SRPK1: variants seen among roughly 807,000 people sequenced by gnomAD.
The protein encoded by SRPK1 is SFRS protein kinase 1.
SRPK1 carries 52 observed loss-of-function variants against 89.5 expected under a neutral mutation model. The observed-to-expected ratio is 0.58, with a 90% CI of 0.46 to 0.73. SRPK1 has a LOEUF of 0.73. Ranked by LOEUF, SRPK1 falls within the 30% of genes least tolerant of loss-of-function variation. SRPK1 has a pLI of 0.00. For synonymous variants in SRPK1, 255 were observed against 270.2 expected, an observed-to-expected ratio of 0.94 and a Z score of 0.55; for missense variants, 603 against 780.6, an observed-to-expected ratio of 0.77 and a Z score of 2.71.
intron 6 of SRPK1, among the ~76,000 whole-genome samples, chr6:35,875,325 A>T (rs2127249966): frequency 6.7e-6 from 1 of 148,204 alleles, no homozygotes; most frequent in South Asian, 2.1e-4. Flanking sequence ...GCACTATCTC[A>T]GCTCACTGCA....
At chr6:35,913,969 CTTTTT>C (rs545555860) in intron 2 of SRPK1, among the ~76,000 whole-genome samples, 14 of 92,936 alleles carry the variant, frequency 1.5e-4, no homozygotes, top group South Asian at 4.7e-4. Flanking sequence ...GATACTTTCT[CTTTTT>C]TTTTTTTTTT....
chr6:35,874,123 G>A lies in SRPK1; in HGVS notation c.585+110C>T, dbSNP rs1343668563. On this transcript the variant is annotated intron_variant, in intron 7 of 15. Coordinates refer to ENST00000373825, the MANE Select transcript of SRPK1 (RefSeq NM_003137.5). ...ATTACAGGAATGAGCCACCACACCC[G>A]GCCTTAAAACAAAAATTCTATTGGA... 1.6e-5 allele frequency: 14 copies of A among 870,884 alleles called. No homozygotes were observed. In the African/African-American group the frequency reaches 2.0e-4, roughly 13 times the overall value. 53.9% of individuals were successfully genotyped at this position (870,884 alleles called of 1,614,324 possible).
intron 13 of SRPK1, among the ~76,000 whole-genome samples, chr6:35,854,844 T>C (rs1018291676): frequency 1.5e-4 from 23 of 152,214 alleles, no homozygotes; most frequent in African/African-American, 5.1e-4. Context: ...TGGTGGCATC[T>C]CTATCATTTA....
chr6:35,850,255 GAT>G (rs1275091089), intron 13 of SRPK1, among the ~76,000 whole-genome samples: 1 of 152,162 alleles, frequency 6.6e-6, no homozygotes, highest in Non-Finnish European at 1.5e-5. Flanking sequence ...TTTCAAACCA[GAT>G]ATGCCAAGTT....
chr6:35,906,439 G>A (rs1264117439), intron 2 of SRPK1, among the ~76,000 whole-genome samples: 1 of 152,174 alleles, frequency 6.6e-6, no homozygotes, highest in African/African-American at 2.4e-5. Flanking sequence ...TGGCCAGGCT[G>A]GTGTCAAACT....
intron 2 of SRPK1, among the ~76,000 whole-genome samples, chr6:35,907,756 G>A (rs1389494391): frequency 6.6e-6 from 1 of 152,026 alleles, no homozygotes; most frequent in Admixed American, 6.6e-5. Flanking sequence ...GTGAACACAT[G>A]AATAACAAGA....
At chr6:35,915,971 C>CAAAAAAAAA in intron 2 of SRPK1, among the ~76,000 whole-genome samples, 1 of 51,728 alleles carries the variant, frequency 1.9e-5, no homozygotes, top group Non-Finnish European at 3.3e-5. Context: ...GACTCTGTCT[C>CAAAAAAAAA]AAAAACAAAA....
Position 35,869,089 on chromosome 6 carries a change from A to G in SRPK1, c.1433T>C (p.Phe478Ser). ...DNKGKSTAGN[F>S]LVNPLEPKNA... ...TTTTGGCTCAAGGGGATTAACAAGA[A>G]AATTTCCAGCCGTGGATTTTCCTAC... The change falls in exon 12 of 16, where the codon TTT (phenylalanine) becomes TCT (serine). Residue 478 changes from phenylalanine to serine, a missense_variant. By Grantham distance (155) the Phe-to-Ser change is radical. Coordinates refer to ENST00000373825, the MANE Select transcript of SRPK1 (RefSeq NM_003137.5). The G allele has an allele frequency of 6.2e-7, 1 of 1,613,876 alleles. No individual in the cohort carries two copies.
chr6:35,900,709 T>C (rs1770723643), intron 2 of SRPK1, among the ~76,000 whole-genome samples: 1 of 152,172 alleles, frequency 6.6e-6, no homozygotes, highest in African/African-American at 2.4e-5. Flanking sequence ...TTTTAAATAG[T>C]GTTGTGACAT....
intron 6 of SRPK1, among the ~76,000 whole-genome samples, chr6:35,885,500 A>T (rs1408245969): frequency 1.3e-5 from 2 of 152,162 alleles, no homozygotes; most frequent in African/African-American, 4.8e-5. Context: ...CTCCTTTCCC[A>T]TCCCTTCCTT....
chr6:35,850,649 G>A (rs1436360680), intron 13 of SRPK1, among the ~76,000 whole-genome samples: 8 of 146,608 alleles, frequency 5.5e-5, no homozygotes, highest in South Asian at 4.6e-4. Flanking sequence ...AAGAATTGCC[G>A]AAGAACTTTT....
chr6:35,882,176 A>C lies in SRPK1; in HGVS notation c.478+4548T>G, dbSNP rs116241097. ...GTAGTAGTAGTAGCAGCAGCAGCAGAAGAAGAAGAAGACAAAAAGAAAATA... is the reference window on the plus strand; with the variant it reads ...GTAGTAGTAGTAGCAGCAGCAGCAGCAGAAGAAGAAGACAAAAAGAAAATA... On this transcript the variant is annotated intron_variant, in intron 6 of 15. Transcript: ENST00000373825. Among the ~76,000 whole-genome samples the C allele has an allele frequency of 8.7e-3, 1,250 of 143,756 alleles. 14 individuals carry two copies. The highest frequency in any genetic ancestry group is 0.023 in the African/African-American group (835 of 36,900). The allele number at this position is 143,756 out of a possible 152,430, so 94.3% of individuals were successfully genotyped here. A position where few individuals can be genotyped will look rare whatever the true frequency, so the allele number is the denominator to read the frequency against.
At position 35,870,437 on chromosome 6, in the gene SRPK1, C is replaced by T. The variant is rs1770007927; in HGVS notation, c.835G>A (p.Ala279Thr). 2.6e-6 allele frequency: 4 copies of T among 1,560,410 alleles called. No individual in the cohort carries two copies. Among genetic ancestry groups the T allele is most frequent in the Middle Eastern group, 1.7e-4 (1 of 5,998 alleles). ...TGCATTCGCTTCTCTAGTAATTCTG[C>T]CTGGCGCTTCTGCTTCTTCTTCAAT... ...KKLKKKQKRQ[A>T]ELLEKRMQEI... The change falls in exon 10 of 16, where the codon GCA becomes ACA. Residue 279 changes from alanine (A) to threonine (T), a missense_variant. Ala to Thr is a moderately conservative substitution (Grantham distance 58). Transcript: ENST00000373825.
At chr6:35,880,789 G>A (rs1582014756) in intron 6 of SRPK1, among the ~76,000 whole-genome samples, 1 of 107,484 alleles carries the variant, frequency 9.3e-6, no homozygotes, top group Non-Finnish European at 1.9e-5. Flanking sequence ...CAGAATATTT[G>A]AAAAAAAAAA....
intron 13 of SRPK1, among the ~76,000 whole-genome samples, chr6:35,846,640 A>G (rs1343836731): frequency 7.2e-5 from 11 of 152,138 alleles, no homozygotes; most frequent in Admixed American, 2.0e-4. Flanking sequence ...ACTACAAAGG[A>G]TAAGAGACTA....
intron 6 of SRPK1, among the ~76,000 whole-genome samples, chr6:35,879,322 T>G (rs1163392776): frequency 6.6e-6 from 1 of 151,774 alleles, no homozygotes; most frequent in East Asian, 1.9e-4. Context: ...TGAGGCAGGA[T>G]GACTGCTTGA....
chr6:35,887,764 G>C, intron 5 of SRPK1: 1 of 307,584 alleles, frequency 3.3e-6, no homozygotes, highest in African/African-American at 2.1e-5. Context: ...AACATGCTCA[G>C]TGAATATTTT....
At chr6:35,885,805 C>T (rs976759386) in intron 6 of SRPK1, among the ~76,000 whole-genome samples, 2 of 152,120 alleles carry the variant, frequency 1.3e-5, no homozygotes, top group African/African-American at 2.4e-5. Flanking sequence ...ATTAGCTCAC[C>T]GCACGTCACT....
intron 2 of SRPK1, among the ~76,000 whole-genome samples, chr6:35,900,544 C>T (rs1236923936): frequency 6.6e-6 from 1 of 152,120 alleles, no homozygotes. Flanking sequence ...CTGAACCTAT[C>T]CGGTTCTTGA....
Sources: allele counts gnomAD v4.1 joint callset (sites outside exome capture counted in the v4.1 genomes callset), GRCh38; gene constraint gnomAD v4.1.1; transcripts MANE v1.5; gene names NCBI Gene and HGNC (gene_info 2026-07-23, HGNC 2026-07-21).